MTAP: variants seen among roughly 807,000 people sequenced by gnomAD.
MTAP encodes the protein S-methyl-5'-thioadenosine phosphorylase.
A neutral mutation model predicts 33.6 loss-of-function variants in MTAP; 33 were observed. The ratio of observed to expected loss-of-function variants is 0.98; its 90% CI spans 0.74 to 1.31. The LOEUF (loss-of-function observed/expected upper bound fraction) is 1.31. MTAP is among the 40% of genes most tolerant of loss of function. The pLI is 0.00. For missense variants in MTAP, 367 were observed against 360.0 expected (o/e 1.02, Z -0.16); for synonymous variants, 148 against 125.7 (o/e 1.18, Z -1.19).
chr9:21,908,412 A>G (rs1818508496), intron 1 of MTAP, among the ~76,000 whole-genome samples: 1 of 152,116 alleles, frequency 6.6e-6, no homozygotes, highest in Non-Finnish European at 1.5e-5. Context: ...TAAAGTTGCT[A>G]TAAATATTCA....
chr9:21,893,350 C>G (rs1416468526), intron 1 of MTAP: 2 of 152,088 alleles, frequency 1.3e-5, no homozygotes, highest in Admixed American at 6.6e-5. Context: ...TGTAGAAAAA[C>G]AAGAGCAAAC....
chr9:21,845,196 A>G (rs1389050762), intron 5 of MTAP, among the ~76,000 whole-genome samples: 1 of 152,198 alleles, frequency 6.6e-6, no homozygotes. Context: ...ATCAGACAAG[A>G]GAAAGAAATA....
chr9:21,885,095 A>G (rs2118720071), intron 1 of MTAP, among the ~76,000 whole-genome samples: 1 of 152,250 alleles, frequency 6.6e-6, no homozygotes, highest in East Asian at 1.9e-4. Context: ...CTTATTTATG[A>G]TTCATACTTT....
chr9:21,856,614 C>G (rs1011577716), intron 6 of MTAP, among the ~76,000 whole-genome samples: 4 of 152,148 alleles, frequency 2.6e-5, no homozygotes, highest in Admixed American at 2.6e-4. Flanking sequence ...CTTTGTAGAA[C>G]CAGCAGTGAT....
At chr9:21,881,339 T>C (rs4607709) in intron 1 of MTAP, among the ~76,000 whole-genome samples, 66,266 of 151,844 alleles carry the variant, frequency 0.44, 16,955 homozygotes, top group African/African-American at 0.67. Context: ...AGATTTATGA[T>C]ATTAAATTTA....
At chr9:21,939,708 T>A (rs144247867), downstream of MTAP, among the ~76,000 whole-genome samples, 317 of 150,994 alleles carry the variant, frequency 2.1e-3, no homozygotes, top group Non-Finnish European at 3.2e-3. Flanking sequence ...TATGAAAAAA[T>A]AATAATAATA....
chr9:21,848,483 A>G (rs1825434995), intron 5 of MTAP, among the ~76,000 whole-genome samples: 1 of 139,436 alleles, frequency 7.2e-6, no homozygotes, highest in Non-Finnish European at 1.6e-5. Flanking sequence ...GGAGTTAAAA[A>G]AGGTTCTAAT....
exon 8 of MTAP, chr9:21,936,533 A>G (rs1406112253): frequency 6.6e-6 from 1 of 152,258 alleles, no homozygotes; most frequent in East Asian, 1.9e-4. Context: ...ATGCTGAAAC[A>G]TTAATTGCTT....
chr9:21,813,478 A>G (rs1041137313), intron 1 of MTAP, among the ~76,000 whole-genome samples: 11 of 152,200 alleles, frequency 7.2e-5, no homozygotes, highest in Admixed American at 3.3e-4. Flanking sequence ...GAGTGAGCTC[A>G]GGGGCTCTGA....
At chr9:21,855,206 GA>G (rs997241760) in intron 6 of MTAP, among the ~76,000 whole-genome samples, 17 of 152,028 alleles carry the variant, frequency 1.1e-4, no homozygotes, top group South Asian at 4.2e-4. Flanking sequence ...TTTCAAGAAG[GA>G]AAAAAATCTA....
At chr9:21,851,217 C>T (rs993887058) in intron 5 of MTAP, among the ~76,000 whole-genome samples, 1 of 152,144 alleles carries the variant, frequency 6.6e-6, no homozygotes, top group Non-Finnish European at 1.5e-5. Flanking sequence ...CTACTGAGGT[C>T]CTTGATAAAG....
chr9:21,809,832 A>G (rs1266208383), intron 1 of MTAP, among the ~76,000 whole-genome samples: 1 of 152,174 alleles, frequency 6.6e-6, no homozygotes, highest in Non-Finnish European at 1.5e-5. Flanking sequence ...CAGCTGGTTC[A>G]GGAGGGTGGG....
intron 1 of MTAP, among the ~76,000 whole-genome samples, chr9:21,803,552 G>C (rs1412647454): frequency 6.6e-6 from 1 of 152,130 alleles, no homozygotes; most frequent in Non-Finnish European, 1.5e-5. Context: ...GTCATTGTGC[G>C]GTGGGAAGCT....
At chr9:21,825,822 C>T (rs1824782052) in intron 4 of MTAP, among the ~76,000 whole-genome samples, 8 of 152,096 alleles carry the variant, frequency 5.3e-5, no homozygotes, top group Admixed American at 5.2e-4. Context: ...GCCTGGGTGA[C>T]AGCAAAAAAG....
intron 5 of MTAP, among the ~76,000 whole-genome samples, chr9:21,851,191 A>G (rs546961467): frequency 6.6e-6 from 1 of 152,318 alleles, no homozygotes; most frequent in African/African-American, 2.4e-5. Flanking sequence ...TCACTCCACA[A>G]GGAAAAAACC....
At chr9:21,930,072 A>C (rs1413351363) in intron 1 of MTAP, 2 of 452,054 alleles carry the variant, frequency 4.4e-6, no homozygotes, top group Non-Finnish European at 8.8e-6. Context: ...TGAAATTTCT[A>C]GTTCCAGCCT....
chr9:21,928,315 C>T (rs1433413500), intron 1 of MTAP, among the ~76,000 whole-genome samples: 1 of 152,146 alleles, frequency 6.6e-6, no homozygotes, highest in East Asian at 1.9e-4. Context: ...ATAGGTTTGT[C>T]AAGCCTGCAC....
rs1195407363 is a variant in MTAP at position 21,862,513 on chromosome 9, A to C, written c.*499A>C. The C allele has an allele frequency of 6.6e-6, 1 of 152,654 alleles. No individual in the cohort carries two copies. The highest frequency in any genetic ancestry group is 2.1e-4 in the South Asian group (1 of 4,848). 9.5% of individuals were successfully genotyped at this position (152,654 alleles called of 1,614,324 possible). A position where few individuals can be genotyped will look rare whatever the true frequency, so the allele number is the denominator to read the frequency against. On this transcript the variant is annotated 3_prime_UTR_variant, in exon 8 of 8. Transcript: ENST00000644715. Reference sequence around the variant, plus strand: ...CATCTAGCAATTTCTCTTTAAAACCATATCAGAGATGCATACAAAGAATTA... The same window carrying C: ...CATCTAGCAATTTCTCTTTAAAACCCTATCAGAGATGCATACAAAGAATTA...
At chr9:21,821,729 A>C (rs1336658841) in intron 4 of MTAP, among the ~76,000 whole-genome samples, 5 of 152,178 alleles carry the variant, frequency 3.3e-5, no homozygotes, top group African/African-American at 9.7e-5. Flanking sequence ...CCTCTGGTAG[A>C]ATTCGGCTGT....
Sources: allele counts gnomAD v4.1 joint callset (sites outside exome capture counted in the v4.1 genomes callset), GRCh38; gene constraint gnomAD v4.1.1; transcripts MANE v1.5; gene names NCBI Gene and HGNC (gene_info 2026-07-23, HGNC 2026-07-21).